The following SNX31 variants were observed in gnomAD, a reference collection of about 807,000 sequenced individuals.
SNX31 encodes the protein sorting nexin-31.
Under a neutral mutation model 65.4 loss-of-function variants are expected in SNX31, and 58 were observed. The ratio of observed to expected loss-of-function variants is 0.89; its 90% confidence interval spans 0.72 to 1.10. The LOEUF is 1.10. Ranked by LOEUF, SNX31 falls within the 50% of genes least tolerant of loss-of-function variation. SNX31 has a pLI of 0.00. For missense variants in SNX31, 523 were observed against 529.7 expected (o/e 0.99, Z 0.12); for synonymous variants, 181 against 190.1 (o/e 0.95, Z 0.39).
chr8:100,656,794 G>A (rs1032964586), intron 1 of SNX31, among the ~76,000 whole-genome samples: 6 of 152,040 alleles, frequency 3.9e-5, no homozygotes, highest in Non-Finnish European at 8.8e-5. Context: ...CTTTCACAAT[G>A]TGTTGCAAAG....
rs76027803 is a variant in SNX31 at position 100,580,500 on chromosome 8, G to A, written c.1171-3425C>T. 4.7e-4 allele frequency among the ~76,000 whole-genome samples: 71 copies of A among 152,296 alleles called. 1 individual carries two copies. The East Asian group carries it at 0.013, about 28-fold the overall frequency. ...CCCTTGCAGCTAGGTGTGGGCCTGTGATGTGACTATCTCTTGGCCAATTGT... is the reference window on the plus strand; with the variant it reads ...CCCTTGCAGCTAGGTGTGGGCCTGTAATGTGACTATCTCTTGGCCAATTGT... On this transcript the variant is annotated intron_variant, in intron 12 of 13. Coordinates refer to ENST00000311812, the MANE Select transcript of SNX31 (RefSeq NM_152628.4).
rs1470087308 is a variant in SNX31 at position 100,660,297 on chromosome 8, A to G, written c.-58+2845T>C. On this transcript the variant is annotated intron_variant, in intron 1 of 5. Transcript: ENST00000520352. The surrounding 1 kb of genome is among the most constrained non-coding windows in gnomAD (Gnocchi z 4.1). Reference sequence around the variant, plus strand: ...TTTTCAGATTAAAAAACTAAAGCAGAAAGAGGTGAGCTTGTCCCAGTCACA... The same window carrying G: ...TTTTCAGATTAAAAAACTAAAGCAGGAAGAGGTGAGCTTGTCCCAGTCACA... Among the ~76,000 whole-genome samples, 1 of 152,208 alleles carries G rather than the reference A, an allele frequency of 6.6e-6. No homozygotes were observed. Among genetic ancestry groups the G allele is most frequent in the Non-Finnish European group, 1.5e-5 (1 of 68,046 alleles).
At chr8:100,639,428 A>T (rs1819001688) in intron 2 of SNX31, among the ~76,000 whole-genome samples, 1 of 152,218 alleles carries the variant, frequency 6.6e-6, no homozygotes. Flanking sequence ...TGTTTTCCAC[A>T]GGAGTATAGG....
intron 1 of SNX31, among the ~76,000 whole-genome samples, chr8:100,659,617 G>GC (rs1554591018): frequency 6.6e-6 from 1 of 151,636 alleles, no homozygotes; most frequent in Non-Finnish European, 1.5e-5. Flanking sequence ...ATTTTTAAGT[G>GC]TTTTTTTTGT....
At chr8:100,646,268 C>T (rs75653101) in intron 2 of SNX31, among the ~76,000 whole-genome samples, 12,810 of 152,042 alleles carry the variant, frequency 0.084, 687 homozygotes, top group East Asian at 0.12. Context: ...CAGAAAAAAG[C>T]GGCATGGTCA....
chr8:100,625,031 C>T lies in SNX31; in HGVS notation c.321+5296G>A, dbSNP rs1485488676. Among the ~76,000 whole-genome samples, 1 of 152,022 alleles carries T rather than the reference C, an allele frequency of 6.6e-6. No individual in the cohort carries two copies. Among genetic ancestry groups the T allele is most frequent in the Non-Finnish European group, 1.5e-5 (1 of 68,008 alleles). ...TCACTATGTTGCCCAGGCTGGTCTT[C>T]AACTCCTGGCCTCAAGTAATTCTCC... On this transcript the variant is annotated intron_variant, in intron 4 of 13. Coordinates refer to ENST00000311812, the MANE Select transcript of SNX31 (RefSeq NM_152628.4). This position sits in a 1 kb window ranked among gnomAD's most constrained non-coding sequence, Gnocchi z 4.2.
At chr8:100,641,567 T>A (rs13264170) in intron 2 of SNX31, among the ~76,000 whole-genome samples, 1,035 of 24,298 alleles carry the variant, frequency 0.043, 13 homozygotes, top group African/African-American at 0.055. Flanking sequence ...AAAAAAAAAA[T>A]ATATATATAT....
chr8:100,605,360 G>A (rs1191570528), intron 8 of SNX31, among the ~76,000 whole-genome samples: 1 of 152,068 alleles, frequency 6.6e-6, no homozygotes, highest in African/African-American at 2.4e-5. Flanking sequence ...CAGTGATTGT[G>A]GTCCTGACTC....
Position 100,584,159 on chromosome 8 carries a change from C to CT in SNX31, c.1121dup (p.Met375AspfsTer12). 1 of 1,600,140 alleles carries CT rather than the reference C, an allele frequency of 6.2e-7. No individual in the cohort carries two copies. The highest frequency in any genetic ancestry group is 2.3e-5 in the East Asian group (1 of 43,326). On this transcript the variant is annotated frameshift_variant, in exon 12 of 14. Coordinates refer to ENST00000311812, the MANE Select transcript of SNX31 (RefSeq NM_152628.4). LOFTEE classifies it high-confidence loss of function. ...GCTTTACCATCTTTTCTGAGATCAT[C>CT]TTTTTCAAGCAGCTACTCAGCAAAA...
rs1432160187 is a variant in SNX31 at position 100,576,515 on chromosome 8, A to G, written c.1227+504T>C. 1.3e-5 allele frequency among the ~76,000 whole-genome samples: 2 copies of G among 152,228 alleles called. No individual in the cohort carries two copies. Among genetic ancestry groups the G allele is most frequent in the African/African-American group, 4.8e-5 (2 of 41,456 alleles). ...CAACTTATTTATAGGGCTGTGAAGG[A>G]ATGTGTTAATTCACATAAAAGTGCT... On this transcript the variant is annotated intron_variant, in intron 13 of 13. Coordinates refer to ENST00000311812, the MANE Select transcript of SNX31 (RefSeq NM_152628.4). The surrounding 1 kb of genome is among the most constrained non-coding windows in gnomAD (Gnocchi z 4.8).
chr8:100,628,491 C>CA (rs1220641139), intron 4 of SNX31, among the ~76,000 whole-genome samples: 1 of 140,174 alleles, frequency 7.1e-6, no homozygotes, highest in Non-Finnish European at 1.5e-5. Context: ...ATCGCAAGGA[C>CA]AAAAAAACAA....
intron 2 of SNX31, among the ~76,000 whole-genome samples, chr8:100,646,719 T>C (rs915820272): frequency 3.3e-5 from 5 of 152,242 alleles, no homozygotes; most frequent in African/African-American, 1.2e-4. Context: ...GTGGTAATTG[T>C]ATACATTTAC....
At chr8:100,581,345 A>C (rs780053942) in intron 12 of SNX31, among the ~76,000 whole-genome samples, 47 of 146,926 alleles carry the variant, frequency 3.2e-4, no homozygotes, top group South Asian at 8.4e-4. Flanking sequence ...ATCTATATAT[A>C]TATATATATA....
rs1051135954 is a variant in SNX31 at position 100,609,437 on chromosome 8, TC to T, written c.612-875del. ...GAAGAACCCCAAGGCCAGGGGCCTA[TC>T]CAGAGTTGCCCCTCTGAATCTTGAC... On this transcript the variant is annotated intron_variant, in intron 7 of 13. Transcript: ENST00000311812. The surrounding 1 kb of genome is among the most constrained non-coding windows in gnomAD (Gnocchi z 4.9). 3.3e-5 allele frequency among the ~76,000 whole-genome samples: 5 copies of T among 152,206 alleles called. No individual in the cohort carries two copies. The highest frequency in any genetic ancestry group is 6.5e-5 in the Admixed American group (1 of 15,278).
chr8:100,641,978 C>T (rs1482027778), intron 2 of SNX31, among the ~76,000 whole-genome samples: 2 of 151,890 alleles, frequency 1.3e-5, no homozygotes, highest in African/African-American at 4.8e-5. Context: ...ACTCGGGAGG[C>T]TGAGGCAGGA....
rs115836201 is a variant in SNX31, at chr8:100,643,179, C to A, written c.141+6095G>T. 8.2e-3 allele frequency among the ~76,000 whole-genome samples: 1,210 copies of A among 148,170 alleles called. 18 individuals are homozygous for A. The highest frequency in any genetic ancestry group is 0.029 in the African/African-American group (1,153 of 39,892). On this transcript the variant is annotated intron_variant, in intron 2 of 13. Coordinates refer to ENST00000311812, the MANE Select transcript of SNX31 (RefSeq NM_152628.4). ...CCTCACTGCAGCTTAGGTGAAAGAGCGTGACTCCGTCTCAAAAAAACAAAA... is the reference window on the plus strand; with the variant it reads ...CCTCACTGCAGCTTAGGTGAAAGAGAGTGACTCCGTCTCAAAAAAACAAAA...
At chr8:100,600,969 T>C (rs1002879091) in intron 8 of SNX31, among the ~76,000 whole-genome samples, 14 of 152,136 alleles carry the variant, frequency 9.2e-5, no homozygotes, top group African/African-American at 3.4e-4. Flanking sequence ...AGGAAAAATG[T>C]AAGCATCACC....
chr8:100,584,078 A>T, intron 12 of SNX31, 33 bp downstream of exon 12: 1 of 1,589,292 alleles, frequency 6.3e-7, no homozygotes, highest in Non-Finnish European at 8.6e-7. Context: ...TGGGAACGTA[A>T]AGTGAAAAAT....
chr8:100,655,922 T>C (rs1820046812), intron 1 of SNX31, among the ~76,000 whole-genome samples: 2 of 152,180 alleles, frequency 1.3e-5, no homozygotes, highest in African/African-American at 2.4e-5. Flanking sequence ...CTAGAGGCAG[T>C]CAGACCAGCA....
Sources: gnomAD v4.1 joint callset for allele counts (sites outside exome capture counted in the v4.1 genomes callset) on GRCh38, gnomAD v4.1.1 for gene constraint, Gnocchi (gnomAD v3.1) non-coding constraint, MANE v1.5 for transcripts, NCBI Gene and HGNC (gene_info 2026-07-23, HGNC 2026-07-21) for gene names.